The following RUNX1 variants were observed in gnomAD, a reference collection of about 807,000 sequenced individuals.
RUNX1 encodes the protein runt-related transcription factor 1.
RUNX1 carries 19 observed loss-of-function variants against 42.8 expected under a neutral mutation model. The ratio of observed to expected loss-of-function variants is 0.44; its 90% CI spans 0.31 to 0.65. The LOEUF (loss-of-function observed/expected upper bound fraction) is 0.65, where lower values mean the gene tolerates loss of function less well. Ranked by LOEUF, RUNX1 falls within the 30% of genes least tolerant of loss-of-function variation. The pLI is 0.07. For missense variants in RUNX1, 528 were observed against 672.0 expected (o/e 0.79, Z 2.37); for synonymous variants, 271 against 289.4 (o/e 0.94, Z 0.64).
intron 2 of RUNX1, among the ~76,000 whole-genome samples, chr21:34,960,052 C>T (rs906232524): frequency 6.6e-6 from 1 of 152,100 alleles, no homozygotes; most frequent in Non-Finnish European, 1.5e-5. Flanking sequence ...AGCAGAGACA[C>T]AGAAGAGCAG....
rs1011473642 is a variant in RUNX1 at position 34,867,940 on chromosome 21, G to A, written c.509-8362C>T. 2.0e-5 allele frequency among the ~76,000 whole-genome samples: 3 copies of A among 152,248 alleles called. No homozygotes were observed. The South Asian group carries it at 6.2e-4, about 32-fold the overall frequency. ...GTGACCAAAGTGACCTCCTGGGCCTGGCCTCCTCCTGATTCCGATAGTGCC... is the reference window on the plus strand; with the variant it reads ...GTGACCAAAGTGACCTCCTGGGCCTAGCCTCCTCCTGATTCCGATAGTGCC... On this transcript the variant is annotated intron_variant, in intron 5 of 8. Transcript: ENST00000675419.
At chr21:34,941,551 C>T (rs893390595) in intron 2 of RUNX1, among the ~76,000 whole-genome samples, 2 of 152,208 alleles carry the variant, frequency 1.3e-5, no homozygotes, top group Non-Finnish European at 2.9e-5. Context: ...TGGGTCTTAA[C>T]ATAATCTACC....
At chr21:34,919,378 C>T (rs955021201) in intron 2 of RUNX1, among the ~76,000 whole-genome samples, 1 of 152,206 alleles carries the variant, frequency 6.6e-6, no homozygotes, top group Non-Finnish European at 1.5e-5. Context: ...CCACATTTTA[C>T]GTTTGAGCCC....
chr21:34,835,943 C>T (rs71329085), intron 6 of RUNX1, among the ~76,000 whole-genome samples: 2,878 of 152,294 alleles, frequency 0.019, 42 homozygotes, highest in Non-Finnish European at 0.028. Context: ...AATGGTATAA[C>T]TTGCATGATG....
intron 4 of RUNX1, among the ~76,000 whole-genome samples, chr21:34,883,823 T>C (rs1163655555): frequency 6.6e-6 from 1 of 152,262 alleles, no homozygotes; most frequent in Non-Finnish European, 1.5e-5. Context: ...ACAATTCATT[T>C]ACTTCAAATC....
chr21:34,889,933 G>A (rs1601536708), intron 3 of RUNX1: 1 of 897,442 alleles, frequency 1.1e-6, no homozygotes, highest in Non-Finnish European at 1.4e-6. Flanking sequence ...TCCCGGCCCC[G>A]TTCCACCGCG....
intron 2 of RUNX1, among the ~76,000 whole-genome samples, chr21:34,893,731 C>G (rs1399487458): frequency 1.3e-5 from 2 of 150,116 alleles, no homozygotes; most frequent in Non-Finnish European, 3.0e-5. Flanking sequence ...TGCTGCAGAC[C>G]TAAAGCTTTC....
At chr21:34,849,296 A>AT in intron 6 of RUNX1, among the ~76,000 whole-genome samples, 2 of 39,928 alleles carry the variant, frequency 5.0e-5, no homozygotes, top group African/African-American at 1.8e-4. Context: ...ATTATATATA[A>AT]AATATATAAT....
intron 6 of RUNX1, among the ~76,000 whole-genome samples, chr21:34,841,327 G>A (rs540601167): frequency 3.1e-4 from 47 of 152,266 alleles, no homozygotes; most frequent in African/African-American, 8.7e-4. Context: ...TTCTAGAGGG[G>A]TGATGCTTTA....
At position 34,890,772 on chromosome 21, in the gene RUNX1, G is replaced by A. The variant is rs868804789; in HGVS notation, c.97+2153C>T. Among the ~76,000 whole-genome samples, 20 of 120,978 alleles carry A rather than the reference G, an allele frequency of 1.7e-4. No homozygotes were observed. The South Asian group carries it at 2.2e-3, about 13-fold the overall frequency. The allele number at this position is 120,978 out of a possible 152,430, so 79.4% of individuals were successfully genotyped here. On this transcript the variant is annotated intron_variant, in intron 3 of 8. Transcript: ENST00000675419. The stretch of plus-strand genomic sequence containing the variant: ...GTCCACTTTCTAACTCTGTCCCTGA[G>A]AAGAGTGCATCGCGCGCGCCCGCCC...
intron 2 of RUNX1, among the ~76,000 whole-genome samples, chr21:34,977,464 A>G (rs1280109607): frequency 6.6e-6 from 1 of 152,128 alleles, no homozygotes; most frequent in African/African-American, 2.4e-5. Context: ...ATCTTATACA[A>G]TTTTTCTTTG....
At chr21:34,914,219 T>C (rs1420369369) in intron 2 of RUNX1, among the ~76,000 whole-genome samples, 1 of 152,178 alleles carries the variant, frequency 6.6e-6, no homozygotes, top group African/African-American at 2.4e-5. Context: ...GTTTGCAAGA[T>C]CCATTCATTG....
chr21:34,798,285 G>A (rs749472690), intron 8 of RUNX1, among the ~76,000 whole-genome samples: 1 of 152,122 alleles, frequency 6.6e-6, no homozygotes, highest in Non-Finnish European at 1.5e-5. Flanking sequence ...TCACAGTTTG[G>A]TGCAGCTCCA....
Position 34,787,891 on chromosome 21 carries a change from A to T in RUNX1, c.*4244T>A, listed in dbSNP as rs968418358. 1 of 233,310 alleles carries T rather than the reference A, an allele frequency of 4.3e-6. No individual in the cohort carries two copies. The highest frequency in any genetic ancestry group is 8.5e-6 in the Non-Finnish European group (1 of 118,076). 14.5% of individuals were successfully genotyped at this position (233,310 alleles called of 1,614,324 possible). A position where few individuals can be genotyped will look rare whatever the true frequency, so the allele number is the denominator to read the frequency against. ...GAAGAAACTGTGGTACAAAGAGAGGAAGGCTCTGGTGGCTCCTGAACAGCA... is the reference window on the plus strand; with the variant it reads ...GAAGAAACTGTGGTACAAAGAGAGGTAGGCTCTGGTGGCTCCTGAACAGCA... On this transcript the variant is annotated 3_prime_UTR_variant, in exon 9 of 9. Coordinates refer to ENST00000675419, the MANE Select transcript of RUNX1 (RefSeq NM_001754.5).
At chr21:35,018,096 G>A (rs1260214869) in intron 2 of RUNX1, among the ~76,000 whole-genome samples, 3 of 152,242 alleles carry the variant, frequency 2.0e-5, no homozygotes, top group Non-Finnish European at 2.9e-5. Context: ...TGCAATCTTG[G>A]CTCACGTCAA....
intron 2 of RUNX1, among the ~76,000 whole-genome samples, chr21:34,928,635 G>A (rs1262495905): frequency 4.0e-5 from 6 of 151,118 alleles, no homozygotes; most frequent in East Asian, 3.9e-4. Context: ...AGCCAAGATC[G>A]CGCCACTGCA....
chr21:35,033,953 C>A lies in RUNX1; in HGVS notation c.58+14889G>T, dbSNP rs2059289668. Among the ~76,000 whole-genome samples the A allele has an allele frequency of 2.0e-5, 3 of 152,188 alleles. 1 individual carries two copies. Among genetic ancestry groups the A allele is most frequent in the Admixed American group, 2.0e-4 (3 of 15,276 alleles). On this transcript the variant is annotated intron_variant, in intron 2 of 8. Coordinates refer to ENST00000675419, the MANE Select transcript of RUNX1 (RefSeq NM_001754.5). ...GTTAAGGGCTCTTTGATTACCAAAT[C>A]ATTATCCTACTTCCTATGTCATCTA...
chr21:34,792,719 G>A lies in RUNX1; in HGVS notation c.968-109C>T. ...CCAGGATGATACCGCCTAGGAGGAT[G>A]GGAAGCCACCCAGGATGCTACTGCT... On this transcript the variant is annotated intron_variant, in intron 8 of 8. Coordinates refer to ENST00000675419, the MANE Select transcript of RUNX1 (RefSeq NM_001754.5). This position sits in a 1 kb window ranked among gnomAD's most constrained non-coding sequence, Gnocchi z 6.9. 6 of 1,102,778 alleles carry A rather than the reference G, an allele frequency of 5.4e-6. No homozygotes were observed. In the South Asian group the frequency reaches 9.6e-5, roughly 18 times the overall value. 68.3% of individuals were successfully genotyped at this position (1,102,778 alleles called of 1,614,324 possible).
At chr21:34,922,658 A>T (rs1274931148) in intron 2 of RUNX1, among the ~76,000 whole-genome samples, 1 of 152,194 alleles carries the variant, frequency 6.6e-6, no homozygotes, top group Non-Finnish European at 1.5e-5. Context: ...AAGTAGGGTC[A>T]CCACAATTGC....
Sources: gnomAD v4.1 joint callset for allele counts (sites outside exome capture counted in the v4.1 genomes callset) on GRCh38, gnomAD v4.1.1 for gene constraint, Gnocchi (gnomAD v3.1) non-coding constraint, MANE v1.5 for transcripts, NCBI Gene and HGNC (gene_info 2026-07-23, HGNC 2026-07-21) for gene names.